MYO9B: variants seen among roughly 807,000 people sequenced by gnomAD.
MYO9B encodes the protein myosin IXB.
In MYO9B, 71 loss-of-function variants were observed where a neutral mutation model predicts 229.5. The observed-to-expected ratio is 0.31, with a 90% CI of 0.26 to 0.38. MYO9B has a LOEUF of 0.38. Ranked by LOEUF, MYO9B falls within the 10% of genes least tolerant of loss-of-function variation. MYO9B has a pLI of 1.00. For synonymous variants in MYO9B, 1,185 were observed against 1,235.8 expected (o/e 0.96, Z 0.86); for missense variants, 2,255 against 2,920.5 (o/e 0.77, Z 5.25).
chr19:17,078,596 C>G (rs148063063), intron 1 of MYO9B, among the ~76,000 whole-genome samples: 3 of 152,048 alleles, frequency 2.0e-5, no homozygotes, highest in Non-Finnish European at 2.9e-5. Context: ...AGTACGGTGA[C>G]AGAGGGGCCA....
intron 16 of MYO9B, among the ~76,000 whole-genome samples, chr19:17,184,320 A>G (rs2072893199): frequency 1.3e-5 from 2 of 152,204 alleles, no homozygotes; most frequent in South Asian, 4.1e-4. Context: ...AGAACCTCCC[A>G]AGCGCTCTGT....
intron 28 of MYO9B, 62 bp from the exon 29 acceptor site, chr19:17,202,780 G>A (rs942236768): frequency 1.9e-5 from 29 of 1,514,574 alleles, no homozygotes; most frequent in Non-Finnish European, 2.6e-5. Context: ...TGGGGTGCCA[G>A]GGGTGGGTTG....
At chr19:17,133,886 G>A (rs1169444171) in intron 2 of MYO9B, among the ~76,000 whole-genome samples, 2 of 152,028 alleles carry the variant, frequency 1.3e-5, no homozygotes, top group South Asian at 2.1e-4. Context: ...TCAGCCTCCC[G>A]AGTAGCTGAG....
chr19:17,105,533 G>A (rs1339812620), intron 2 of MYO9B, among the ~76,000 whole-genome samples: 1 of 151,974 alleles, frequency 6.6e-6, no homozygotes, highest in African/African-American at 2.4e-5. Context: ...ATGTCTTTTC[G>A]TGGCTTGAGA....
At chr19:17,090,106 G>A (rs1042013066) in intron 1 of MYO9B, among the ~76,000 whole-genome samples, 5 of 126,914 alleles carry the variant, frequency 3.9e-5, no homozygotes, top group Admixed American at 1.7e-4. Flanking sequence ...AGCATGAATC[G>A]GTGCTTCCTT....
intron 2 of MYO9B, among the ~76,000 whole-genome samples, chr19:17,107,361 C>T (rs548216176): frequency 5.3e-5 from 8 of 152,316 alleles, no homozygotes; most frequent in Admixed American, 2.0e-4. Context: ...AGAAATGACA[C>T]GCCCAGCCCC....
chr19:17,208,214 C>T (rs1401076218), intron 35 of MYO9B, among the ~76,000 whole-genome samples: 1 of 146,658 alleles, frequency 6.8e-6, no homozygotes, highest in Non-Finnish European at 1.5e-5. Flanking sequence ...TGGCAGGCGC[C>T]TGTAATCCCA....
At chr19:17,145,321 G>C in intron 2 of MYO9B, 76 bp from the exon 3 acceptor site, 1 of 1,280,926 alleles carries the variant, frequency 7.8e-7, no homozygotes, top group Non-Finnish European at 1.1e-6. Flanking sequence ...TAAAAGCACA[G>C]TGTAAAATGA....
At chr19:17,168,654 A>C (rs1372948072) in intron 11 of MYO9B, among the ~76,000 whole-genome samples, 2 of 152,232 alleles carry the variant, frequency 1.3e-5, no homozygotes, top group East Asian at 3.9e-4. Context: ...CACTGGGGCC[A>C]GACGTGGTGG....
intron 2 of MYO9B, among the ~76,000 whole-genome samples, 199 bp from the exon 3 acceptor site, chr19:17,145,198 C>T (rs1037971512): frequency 1.3e-5 from 2 of 152,064 alleles, no homozygotes; most frequent in African/African-American, 4.8e-5. Context: ...ATTGCTTGAA[C>T]CCGGGAGGCA....
At chr19:17,200,244 G>A (rs1203814837) in intron 24 of MYO9B, 49 bp from the exon 25 acceptor site, 11 of 1,581,078 alleles carry the variant, frequency 7.0e-6, no homozygotes, top group East Asian at 2.2e-5. Context: ...TGGGCCTCAC[G>A]TCCATTTTCA....
At chr19:17,184,026 A>C (rs926784480) in intron 16 of MYO9B, 158 bp downstream of exon 16, 9 of 742,988 alleles carry the variant, frequency 1.2e-5, no homozygotes, top group Non-Finnish European at 1.9e-5. Context: ...GAGATGATTT[A>C]GAGCTGTCTC....
chr19:17,169,406 C>T (rs1325313136), intron 11 of MYO9B, among the ~76,000 whole-genome samples: 1 of 145,664 alleles, frequency 6.9e-6, no homozygotes, highest in African/African-American at 2.5e-5. Flanking sequence ...TCCATCTCTA[C>T]AAAAAAATTT....
chr19:17,208,921 G>A (rs1301984999), intron 35 of MYO9B, among the ~76,000 whole-genome samples: 2 of 41,214 alleles, frequency 4.9e-5, no homozygotes, highest in African/African-American at 2.8e-4. Flanking sequence ...TGGCCACTCC[G>A]GGCTGAGTCC....
intron 1 of MYO9B, among the ~76,000 whole-genome samples, chr19:17,078,145 G>A (rs1188316016): frequency 6.6e-6 from 1 of 152,178 alleles, no homozygotes; most frequent in African/African-American, 2.4e-5. Flanking sequence ...AGGGTTGATT[G>A]TGCCAGACAC....
intron 1 of MYO9B, among the ~76,000 whole-genome samples, chr19:17,077,470 G>A (rs1181930211): frequency 6.6e-6 from 1 of 152,204 alleles, no homozygotes; most frequent in African/African-American, 2.4e-5. Context: ...TTGAACTGTA[G>A]GCTTGCACTG....
intron 22 of MYO9B, among the ~76,000 whole-genome samples, chr19:17,196,145 G>A (rs1239114498): frequency 2.3e-5 from 1 of 43,518 alleles, no homozygotes; most frequent in African/African-American, 1.0e-4. Context: ...AGGATGTGTG[G>A]GTGGGTGGGT....
intron 1 of MYO9B, among the ~76,000 whole-genome samples, chr19:17,082,976 A>G (rs1411859049): frequency 4.7e-5 from 7 of 149,164 alleles, no homozygotes; most frequent in Admixed American, 2.7e-4. Context: ...CCATGCTAAC[A>G]TGTCAAGTGC....
At chr19:17,086,514 G>A (rs2057585030) in intron 1 of MYO9B, among the ~76,000 whole-genome samples, 1 of 152,202 alleles carries the variant, frequency 6.6e-6, no homozygotes, top group African/African-American at 2.4e-5. Context: ...TGTGCACTGT[G>A]GGACACTGAG....
Sources: gnomAD v4.1 joint callset for allele counts (sites outside exome capture counted in the v4.1 genomes callset) on GRCh38, gnomAD v4.1.1 for gene constraint, MANE v1.5 for transcripts, NCBI Gene and HGNC (gene_info 2026-07-23, HGNC 2026-07-21) for gene names.